Variants in PLA2R1 observed in about 807,000 individuals in gnomAD.
PLA2R1 encodes secretory phospholipase A2 receptor.
A neutral mutation model predicts 195.9 loss-of-function variants in PLA2R1; 158 were observed. The observed-to-expected ratio is 0.81, with a 90% CI of 0.71 to 0.92. PLA2R1 has a LOEUF of 0.92. Among genes scored for constraint, PLA2R1 ranks in the 40% least tolerant of loss-of-function variants. The pLI, the probability that PLA2R1 is intolerant of heterozygous loss-of-function variation, is 0.00. For synonymous variants in PLA2R1, 586 were observed against 598.2 expected (o/e 0.98, Z 0.30); for missense variants, 1,626 against 1,764.6 (o/e 0.92, Z 1.41).
chr2:160,035,016 A>G (rs1239549399), intron 3 of PLA2R1, among the ~76,000 whole-genome samples: 1 of 152,186 alleles, frequency 6.6e-6, no homozygotes, highest in Non-Finnish European at 1.5e-5. Flanking sequence ...AATTACCTTC[A>G]GGCTATGGGT....
chr2:159,951,216 G>A, intron 24 of PLA2R1, 124 bp downstream of exon 24: 1 of 651,662 alleles, frequency 1.5e-6, no homozygotes, highest in Middle Eastern at 2.6e-4. Context: ...AATTATTTAA[G>A]TGTTATATTT....
At chr2:159,929,314 C>T (rs1553819692), downstream of PLA2R1, among the ~76,000 whole-genome samples, 1 of 152,080 alleles carries the variant, frequency 6.6e-6, no homozygotes, top group Non-Finnish European at 1.5e-5. Flanking sequence ...AAGGAAAAAA[C>T]AATCCCACCA....
rs1574627808 is a variant in PLA2R1, at chr2:159,937,766, G to A, written c.*4012C>T. ...ATATTAATTCAGAATATGAACATGGGGCAAAATAACTCATTTCTAAGTCAT... is the reference window on the plus strand; with the variant it reads ...ATATTAATTCAGAATATGAACATGGAGCAAAATAACTCATTTCTAAGTCAT... On this transcript the variant is annotated 3_prime_UTR_variant, in exon 30 of 30. Coordinates refer to ENST00000283243, the MANE Select transcript of PLA2R1 (RefSeq NM_007366.5). 1 of 152,076 alleles carries A rather than the reference G, an allele frequency of 6.6e-6. No homozygotes were observed. The highest frequency in any genetic ancestry group is 2.4e-5 in the African/African-American group (1 of 41,406). 9.4% of individuals were successfully genotyped at this position (152,076 alleles called of 1,614,324 possible). A position where few individuals can be genotyped will look rare whatever the true frequency, so the allele number is the denominator to read the frequency against.
At chr2:159,993,474 ACAC>A (rs1690979975) in intron 11 of PLA2R1, among the ~76,000 whole-genome samples, 2 of 151,784 alleles carry the variant, frequency 1.3e-5, no homozygotes, top group South Asian at 4.2e-4. Flanking sequence ...ACACACACAC[ACAC>A]TTCCTAGATC....
At chr2:160,015,358 G>C (rs1475482411) in intron 9 of PLA2R1, among the ~76,000 whole-genome samples, 1 of 152,154 alleles carries the variant, frequency 6.6e-6, no homozygotes, top group African/African-American at 2.4e-5. Context: ...TTCTAAAAAA[G>C]AGAAAACTTT....
At chr2:159,952,585 G>C (rs1447469312) in intron 23 of PLA2R1, among the ~76,000 whole-genome samples, 1 of 152,140 alleles carries the variant, frequency 6.6e-6, no homozygotes, top group Admixed American at 6.6e-5. Flanking sequence ...ATGAGGCTGG[G>C]ACTTAATCCT....
rs200347778 is a variant in PLA2R1, at chr2:159,945,094, T to C, written c.3968-12A>G. On this transcript the variant is annotated splice_polypyrimidine_tract_variant and intron_variant, in intron 27 of 29. Transcript: ENST00000283243. ...CTTTATGGTTTCATCTGTGAGAAAA[T>C]TGCTGACTCATTATGAATTATGTGC... The C allele has an allele frequency of 3.1e-6, 5 of 1,594,408 alleles. No individual in the cohort carries two copies. Among genetic ancestry groups the C allele is most frequent in the Middle Eastern group, 1.7e-4 (1 of 6,016 alleles).
chr2:159,969,220 T>G, intron 19 of PLA2R1, 36 bp downstream of exon 19: 1 of 1,017,072 alleles, frequency 9.8e-7, no homozygotes, highest in East Asian at 2.4e-5. Context: ...ATTATCAGTT[T>G]GTATTATAAA....
chr2:160,038,691 T>C (rs781119003), intron 3 of PLA2R1, among the ~76,000 whole-genome samples: 5 of 151,770 alleles, frequency 3.3e-5, no homozygotes, highest in African/African-American at 7.3e-5. Context: ...AGAAAGGAGA[T>C]TGGAAGGTAG....
chr2:159,986,571 T>C (rs970605694), intron 12 of PLA2R1, among the ~76,000 whole-genome samples: 1 of 151,566 alleles, frequency 6.6e-6, no homozygotes, highest in African/African-American at 2.4e-5. Flanking sequence ...TATTAGCGCA[T>C]GCTATTTCTT....
intron 17 of PLA2R1, among the ~76,000 whole-genome samples, chr2:159,972,457 G>A (rs73967967): frequency 0.027 from 4,077 of 152,224 alleles, 166 homozygotes; most frequent in African/African-American, 0.088. Flanking sequence ...ATTATAGTTA[G>A]CATCATATGG....
intron 1 of PLA2R1, among the ~76,000 whole-genome samples, chr2:160,047,671 G>A (rs4665144): frequency 0.02 from 3,053 of 152,274 alleles, 362 homozygotes; most frequent in Admixed American, 0.18. Context: ...TTGATTTTCT[G>A]CATTACCCAC....
intron 3 of PLA2R1, among the ~76,000 whole-genome samples, chr2:160,037,231 C>A (rs916425828): frequency 6.6e-6 from 1 of 152,194 alleles, no homozygotes; most frequent in African/African-American, 2.4e-5. Context: ...TATAATAGAG[C>A]CAGAGTAATC....
intron 2 of PLA2R1, among the ~76,000 whole-genome samples, chr2:160,043,307 T>C (rs1694664622): frequency 6.6e-6 from 1 of 151,948 alleles, no homozygotes; most frequent in Admixed American, 6.6e-5. Flanking sequence ...GCGAGACAGC[T>C]GGCTGGGTGG....
intron 11 of PLA2R1, among the ~76,000 whole-genome samples, chr2:160,002,144 C>T (rs1186578480): frequency 1.3e-5 from 2 of 151,494 alleles, no homozygotes; most frequent in East Asian, 3.9e-4. Context: ...GTATTGACAA[C>T]AAAAGGAACT....
Position 159,980,823 on chromosome 2 carries a change from T to C in PLA2R1, c.2184-909A>G, listed in dbSNP as rs1014883181. On this transcript the variant is annotated intron_variant, in intron 13 of 29. Transcript: ENST00000283243. ...TCAGATGTCAGGACAGATACTTTAT[T>C]TTCCTTTGTGCAGAGAAGCAAGGAA... Among the ~76,000 whole-genome samples the C allele has an allele frequency of 1.6e-4, 25 of 152,352 alleles. No homozygotes were observed. The East Asian group carries it at 1.9e-3, about 12-fold the overall frequency.
intron 23 of PLA2R1, 58 bp downstream of exon 23, chr2:159,955,141 A>G: frequency 1.5e-6 from 2 of 1,370,402 alleles, no homozygotes; most frequent in South Asian, 2.5e-5. Flanking sequence ...TAAAACCAAC[A>G]TGAAAGAGAA....
intron 8 of PLA2R1, 68 bp downstream of exon 8, chr2:160,020,038 A>G: frequency 8.2e-7 from 1 of 1,225,322 alleles, no homozygotes; most frequent in Non-Finnish European, 1.2e-6. Flanking sequence ...CACAGCCCAA[A>G]GCTCCAACAC....
intron 3 of PLA2R1, among the ~76,000 whole-genome samples, chr2:160,034,952 G>A (rs930637087): frequency 1.4e-4 from 21 of 152,090 alleles, no homozygotes; most frequent in African/African-American, 4.8e-4. Context: ...ACCTCGTGAT[G>A]GGTTTTGGTC....
Sources: allele counts gnomAD v4.1 joint callset (sites outside exome capture counted in the v4.1 genomes callset), GRCh38; gene constraint gnomAD v4.1.1; transcripts MANE v1.5; gene names NCBI Gene and HGNC (gene_info 2026-07-23, HGNC 2026-07-21).